HDAC9: variants seen among roughly 807,000 people sequenced by gnomAD.
The protein encoded by HDAC9 is MEF-2 interacting transcription repressor (MITR) protein.
Under a neutral mutation model 139.4 loss-of-function variants are expected in HDAC9, and 41 were observed. The ratio of observed to expected loss-of-function variants is 0.29; its 90% CI spans 0.23 to 0.38. The LOEUF (loss-of-function observed/expected upper bound fraction) is 0.38. Ranked by LOEUF, HDAC9 falls within the 10% of genes least tolerant of loss-of-function variation. The pLI is 1.00. For missense variants in HDAC9, 1,147 were observed against 1,297.0 expected, an observed-to-expected ratio of 0.88 and a Z score of 1.78; for synonymous variants, 517 against 476.2, an observed-to-expected ratio of 1.09 and a Z score of -1.12.
At chr7:18,849,797 G>C (rs1797151546) in intron 21 of HDAC9, among the ~76,000 whole-genome samples, 2 of 152,144 alleles carry the variant, frequency 1.3e-5, no homozygotes, top group South Asian at 4.1e-4. Flanking sequence ...GACATTAAAT[G>C]TTAGAATGTA....
chr7:18,945,473 A>T (rs1425877402), intron 23 of HDAC9, among the ~76,000 whole-genome samples: 1 of 152,190 alleles, frequency 6.6e-6, no homozygotes, highest in African/African-American at 2.4e-5. Context: ...TTGATAATTG[A>T]AAGTAACTTT....
chr7:18,464,562 A>G (rs77847034), intron 1 of HDAC9, among the ~76,000 whole-genome samples: 44 of 152,092 alleles, frequency 2.9e-4, no homozygotes, highest in Non-Finnish European at 5.2e-4. Context: ...CAGATGTTCT[A>G]TGTTAAAATT....
intron 1 of HDAC9, among the ~76,000 whole-genome samples, chr7:18,318,493 A>G (rs903487636): frequency 6.6e-6 from 1 of 152,182 alleles, no homozygotes; most frequent in African/African-American, 2.4e-5. Context: ...ACCTGTGGAG[A>G]TGGTGAAAAT....
intron 2 of HDAC9, among the ~76,000 whole-genome samples, chr7:18,507,508 T>G (rs1432341277): frequency 1.3e-5 from 2 of 151,396 alleles, no homozygotes; most frequent in African/African-American, 4.9e-5. Flanking sequence ...TATTATTATT[T>G]TTTGAGATGA....
upstream of HDAC9, among the ~76,000 whole-genome samples, chr7:18,289,468 A>G (rs115638817): frequency 6.6e-3 from 1,008 of 152,326 alleles, 12 homozygotes; most frequent in African/African-American, 0.023. Context: ...TTGTGAAACT[A>G]TTACCACATG....
rs920191461 is a variant in HDAC9 at position 18,309,791 on chromosome 7, GA to G, written c.-42+19285del. ...ACTAGATTTTAAAACTGACTTGGATGAAAAAAAAAGCTCAAATTTACCTACT... is the reference window on the plus strand; with the variant it reads ...ACTAGATTTTAAAACTGACTTGGATGAAAAAAAAGCTCAAATTTACCTACT... On this transcript the variant is annotated intron_variant, in intron 1 of 3. Coordinates refer to the HDAC9 transcript ENST00000413509. Among the ~76,000 whole-genome samples the G allele has an allele frequency of 6.0e-5, 9 of 149,754 alleles. No individual in the cohort carries two copies. In the East Asian group the frequency reaches 1.2e-3, roughly 19 times the overall value.
At chr7:18,779,342 G>T (rs138900588) in intron 16 of HDAC9, among the ~76,000 whole-genome samples, 1 of 151,970 alleles carries the variant, frequency 6.6e-6, no homozygotes, top group Non-Finnish European at 1.5e-5. Flanking sequence ...CAAGGGAGAA[G>T]GGAAAACACC....
intron 17 of HDAC9, among the ~76,000 whole-genome samples, chr7:18,798,296 T>C (rs1234160678): frequency 6.6e-6 from 1 of 152,062 alleles, no homozygotes; most frequent in Non-Finnish European, 1.5e-5. Context: ...ATAAAAACAA[T>C]GATAAAACAG....
At chr7:18,809,584 T>C (rs1159089244) in intron 17 of HDAC9, among the ~76,000 whole-genome samples, 1 of 151,932 alleles carries the variant, frequency 6.6e-6, no homozygotes, top group African/African-American at 2.4e-5. Context: ...TCTGGCCAGA[T>C]AAAAGAAGGC....
intron 17 of HDAC9, among the ~76,000 whole-genome samples, chr7:18,825,908 A>G (rs1474650822): frequency 6.7e-6 from 1 of 148,628 alleles, no homozygotes; most frequent in Non-Finnish European, 1.5e-5. Flanking sequence ...TGTTATATTT[A>G]TATAATATAC....
At chr7:18,728,046 G>A (rs1044595423) in intron 13 of HDAC9, among the ~76,000 whole-genome samples, 3 of 152,136 alleles carry the variant, frequency 2.0e-5, no homozygotes, top group Admixed American at 1.3e-4. Context: ...TTCTTTAGCA[G>A]TGTTCCTCAA....
intron 8 of HDAC9, among the ~76,000 whole-genome samples, chr7:18,640,633 A>G (rs1309710062): frequency 1.3e-5 from 2 of 151,510 alleles, no homozygotes; most frequent in Non-Finnish European, 2.9e-5. Context: ...ATGAATTTTT[A>G]CATCATATAT....
chr7:18,811,246 T>C (rs1489363110), intron 17 of HDAC9, among the ~76,000 whole-genome samples: 1 of 151,788 alleles, frequency 6.6e-6, no homozygotes, highest in Non-Finnish European at 1.5e-5. Context: ...CCTATTTTAC[T>C]GACTTCATCA....
At chr7:18,411,231 G>A (rs190286557) in intron 1 of HDAC9, among the ~76,000 whole-genome samples, 7 of 152,246 alleles carry the variant, frequency 4.6e-5, no homozygotes, top group African/African-American at 1.4e-4. Context: ...GATAGTCCCC[G>A]ATGTTTGATG....
At chr7:18,505,487 T>C (rs1308768801) in intron 2 of HDAC9, among the ~76,000 whole-genome samples, 1 of 152,224 alleles carries the variant, frequency 6.6e-6, no homozygotes, top group East Asian at 1.9e-4. Context: ...TTTCTACTTA[T>C]TTTGAATATA....
At chr7:18,622,558 A>G (rs182778773) in intron 6 of HDAC9, among the ~76,000 whole-genome samples, 2 of 152,054 alleles carry the variant, frequency 1.3e-5, no homozygotes, top group African/African-American at 4.8e-5. Flanking sequence ...TCCTGACTTC[A>G]TGATCTGCCC....
chr7:18,613,586 T>A (rs1291002355), intron 6 of HDAC9, among the ~76,000 whole-genome samples: 1 of 152,172 alleles, frequency 6.6e-6, no homozygotes, highest in Non-Finnish European at 1.5e-5. Context: ...TTTACTACTA[T>A]GTGTTGTGGC....
At chr7:18,613,146 CTG>C (rs1837639330) in intron 6 of HDAC9, among the ~76,000 whole-genome samples, 1 of 148,968 alleles carries the variant, frequency 6.7e-6, no homozygotes, top group African/African-American at 2.5e-5. Flanking sequence ...TTATAATAGA[CTG>C]AATACAGTCA....
At chr7:18,163,309 A>C (rs1787781815) in intron 2 of HDAC9, among the ~76,000 whole-genome samples, 1 of 152,146 alleles carries the variant, frequency 6.6e-6, no homozygotes, top group African/African-American at 2.4e-5. Context: ...GAAATCCCTG[A>C]GTCTTTAGTC....
Sources: gnomAD v4.1 joint callset for allele counts (sites outside exome capture counted in the v4.1 genomes callset) on GRCh38, gnomAD v4.1.1 for gene constraint, MANE v1.5 for transcripts, NCBI Gene and HGNC (gene_info 2026-07-23, HGNC 2026-07-21) for gene names.